Variants in EFHB observed in about 807,000 individuals in gnomAD.
EFHB encodes EF-hand domain-containing family member B.
EFHB carries 91 observed loss-of-function variants against 87.2 expected under a neutral mutation model. The observed-to-expected ratio is 1.04, with a 90% confidence interval of 0.88 to 1.24. The LOEUF is 1.24. Ranked by LOEUF, EFHB falls within the 50% of genes most tolerant of loss-of-function variation. The pLI, the probability that EFHB is intolerant of heterozygous loss-of-function variation, is 0.00. For synonymous variants in EFHB, 325 were observed against 333.6 expected, an observed-to-expected ratio of 0.97 and a Z score of 0.28; for missense variants, 1,084 against 998.8, an observed-to-expected ratio of 1.09 and a Z score of -1.15.
intron 4 of EFHB, among the ~76,000 whole-genome samples, chr3:19,915,963 G>A (rs1695216377): frequency 6.6e-6 from 1 of 152,018 alleles, no homozygotes; most frequent in Admixed American, 6.6e-5. Flanking sequence ...GGGCAACAGA[G>A]CGAAACTTTC....
intron 1 of EFHB, chr3:19,940,528 A>G (rs1472796435): frequency 7.9e-6 from 4 of 506,756 alleles, no homozygotes; most frequent in South Asian, 1.4e-5. Context: ...CTCATCTTCA[A>G]CAGTTGCTTC....
At chr3:19,930,216 A>G (rs948943953) in intron 1 of EFHB, among the ~76,000 whole-genome samples, 28 of 152,306 alleles carry the variant, frequency 1.8e-4, no homozygotes, top group African/African-American at 6.0e-4. Context: ...CTATAATGTT[A>G]TTATTCTTGT....
intron 3 of EFHB, among the ~76,000 whole-genome samples, chr3:19,919,143 C>G (rs994903435): frequency 6.6e-6 from 1 of 152,096 alleles, no homozygotes; most frequent in South Asian, 2.1e-4. Context: ...TACTCAATGT[C>G]CATATAAGTA....
chr3:19,896,152 C>A (rs910139706), intron 9 of EFHB, among the ~76,000 whole-genome samples: 1 of 150,966 alleles, frequency 6.6e-6, no homozygotes, highest in Non-Finnish European at 1.5e-5. Flanking sequence ...CCCCAGGGAT[C>A]CCCAGTGCTA....
At chr3:19,941,855 C>CA (rs74521089) in intron 1 of EFHB, among the ~76,000 whole-genome samples, 2,410 of 94,966 alleles carry the variant, frequency 0.025, 70 homozygotes, top group African/African-American at 0.085. Context: ...GAGACTCCAT[C>CA]AAAAAAAAAA....
At chr3:19,916,842 C>T (rs1339498730) in intron 4 of EFHB, among the ~76,000 whole-genome samples, 3 of 152,188 alleles carry the variant, frequency 2.0e-5, no homozygotes, top group Non-Finnish European at 2.9e-5. Context: ...GTTATATAAA[C>T]GAATAGTTAA....
chr3:19,916,529 T>G (rs1432448886), intron 4 of EFHB, among the ~76,000 whole-genome samples: 1 of 151,426 alleles, frequency 6.6e-6, no homozygotes, highest in Non-Finnish European at 1.5e-5. Flanking sequence ...AAAAAATTAA[T>G]TCATTAATTA....
At chr3:19,908,602 A>AGAGAGAGAGAGAGAGAGAGAGAGAGAGAG (rs1559459816) in intron 5 of EFHB, among the ~76,000 whole-genome samples, 6 of 77,378 alleles carry the variant, frequency 7.8e-5, no homozygotes, top group East Asian at 3.1e-4. Flanking sequence ...GAGAGAGAGA[A>AGAGAGAGAGAGAGAGAGAGAGAGAGAGAG]AGAAAGAAAG....
chr3:19,931,389 T>C (rs1695826630), intron 1 of EFHB, among the ~76,000 whole-genome samples: 1 of 152,212 alleles, frequency 6.6e-6, no homozygotes, highest in African/African-American at 2.4e-5. Flanking sequence ...AGCTGGTGTC[T>C]GCATGTGTGT....
At chr3:19,897,391 G>A (rs1694525360) in intron 8 of EFHB, among the ~76,000 whole-genome samples, 2 of 152,056 alleles carry the variant, frequency 1.3e-5, no homozygotes, top group African/African-American at 2.4e-5. Context: ...CTCCCTTCAC[G>A]GCTCCATTAA....
chr3:19,884,323 G>A (rs1456934477), intron 11 of EFHB, 80 bp downstream of exon 11: 12 of 1,337,784 alleles, frequency 9.0e-6, no homozygotes, highest in Non-Finnish European at 7.2e-6. Flanking sequence ...TAATCTAACG[G>A]AGAAAGGCAG....
At chr3:19,899,302 G>A in intron 7 of EFHB, 130 bp downstream of exon 7, 1 of 650,098 alleles carries the variant, frequency 1.5e-6, no homozygotes, top group Non-Finnish European at 2.4e-6. Flanking sequence ...CAGATTAACT[G>A]ATTAACAATA....
chr3:19,930,909 G>A (rs1382103727), intron 1 of EFHB, among the ~76,000 whole-genome samples: 4 of 152,148 alleles, frequency 2.6e-5, no homozygotes, highest in East Asian at 1.9e-4. Context: ...AAGGTGGGCC[G>A]AACACTTGAG....
chr3:19,882,999 TC>T (rs1175777966), intron 11 of EFHB, among the ~76,000 whole-genome samples: 49 of 152,108 alleles, frequency 3.2e-4, no homozygotes, highest in African/African-American at 1.1e-3. Context: ...GACTTTTTTT[TC>T]TTTTTCTTTT....
chr3:19,924,684 G>T lies in EFHB; in HGVS notation c.790-4117C>A, dbSNP rs73190447. Reference sequence around the variant, plus strand: ...GTTTTATATCTGCATGATTCTTTAGGATTCTTCTCATTTTTTTGCTCATGA... The same window carrying T: ...GTTTTATATCTGCATGATTCTTTAGTATTCTTCTCATTTTTTTGCTCATGA... On this transcript the variant is annotated intron_variant, in intron 1 of 12. Transcript: ENST00000295824. Among the ~76,000 whole-genome samples the T allele has an allele frequency of 4.2e-3, 641 of 152,100 alleles. 3 individuals are homozygous for T. Among genetic ancestry groups the T allele is most frequent in the African/African-American group, 0.015 (610 of 41,480 alleles).
At chr3:19,930,147 T>C (rs1368218482) in intron 1 of EFHB, among the ~76,000 whole-genome samples, 1 of 152,220 alleles carries the variant, frequency 6.6e-6, no homozygotes, top group African/African-American at 2.4e-5. Context: ...AAAGTGCTAA[T>C]AGGCATTGTG....
At chr3:19,936,337 G>GGA (rs1696020470), upstream of EFHB, 34 of 448,542 alleles carry the variant, frequency 7.6e-5, no homozygotes, top group South Asian at 1.0e-3. Context: ...GCGACAGACT[G>GGA]AAAAAAAAAA....
upstream of EFHB, among the ~76,000 whole-genome samples, chr3:19,936,872 A>ATAATAAAT (rs1696034998): frequency 8.6e-6 from 1 of 116,320 alleles, no homozygotes; most frequent in Admixed American, 8.3e-5. Context: ...CCATCTCAAA[A>ATAATAAAT]TAATAAATAA....
rs571961282 is a variant in EFHB at position 19,945,713 on chromosome 3, C to A, written c.-32+1206G>T. Among the ~76,000 whole-genome samples, 4 of 152,278 alleles carry A rather than the reference C, an allele frequency of 2.6e-5. No individual in the cohort carries two copies. The South Asian group carries it at 8.3e-4, about 32-fold the overall frequency. Reference sequence around the variant, plus strand: ...GATTAATAGTTCATATTGAACAACTCCTTGAGAATAAAATGCCACAGGTAT... The same window carrying A: ...GATTAATAGTTCATATTGAACAACTACTTGAGAATAAAATGCCACAGGTAT... On this transcript the variant is annotated intron_variant, in intron 1 of 14. Coordinates refer to the EFHB transcript ENST00000344838.
Sources: gnomAD v4.1 joint callset for allele counts (sites outside exome capture counted in the v4.1 genomes callset) on GRCh38, gnomAD v4.1.1 for gene constraint, MANE v1.5 for transcripts, NCBI Gene and HGNC (gene_info 2026-07-23, HGNC 2026-07-21) for gene names.